The following TRPM3 variants were observed in gnomAD, a reference collection of about 807,000 sequenced individuals.
The protein encoded by TRPM3 is transient receptor potential cation channel subfamily M member 3.
Under a neutral mutation model 181.2 loss-of-function variants are expected in TRPM3, and 77 were observed. The observed-to-expected ratio is 0.42, with a 90% CI of 0.35 to 0.51. The LOEUF (loss-of-function observed/expected upper bound fraction) is 0.51, where lower values mean the gene tolerates loss of function less well. Ranked by LOEUF, TRPM3 falls within the 20% of genes least tolerant of loss-of-function variation. The probability of loss-of-function intolerance (pLI) is 0.01; values close to 1 mark genes in which losing one functional copy is unlikely to be tolerated. For missense variants in TRPM3, 1,759 were observed against 2,196.7 expected, an observed-to-expected ratio of 0.80 and a Z score of 3.98; for synonymous variants, 745 against 796.4, an observed-to-expected ratio of 0.94 and a Z score of 1.09.
chr9:71,344,771 A>G (rs1293721171), intron 1 of TRPM3, among the ~76,000 whole-genome samples: 1 of 152,178 alleles, frequency 6.6e-6, no homozygotes, highest in East Asian at 1.9e-4. Flanking sequence ...CTCATCACAT[A>G]ACACTACTAA....
intron 3 of TRPM3, among the ~76,000 whole-genome samples, chr9:70,849,030 A>T (rs1247072700): frequency 2.6e-5 from 4 of 152,098 alleles, no homozygotes; most frequent in Admixed American, 2.6e-4. Context: ...AGAATTCTAC[A>T]TTCAGCAAAA....
chr9:71,030,307 G>C lies in TRPM3; in HGVS notation c.177+90871C>G, dbSNP rs59559544. ...AGACCAGGCACTGTGGCTCACACCT[G>C]AAATCCCAGCACTTTCGTAGGCCGA... On this transcript the variant is annotated intron_variant, in intron 1 of 25. Coordinates refer to ENST00000677713, the MANE Select transcript of TRPM3 (RefSeq NM_001366145.2). Among the ~76,000 whole-genome samples the C allele has an allele frequency of 5.2e-3, 788 of 152,248 alleles. 7 individuals carry two copies. The highest frequency in any genetic ancestry group is 0.018 in the African/African-American group (741 of 41,546).
chr9:70,536,365 C>A lies in TRPM3; in HGVS notation c.4748G>T (p.Gly1583Val), dbSNP rs1459103024. The A allele has an allele frequency of 1.2e-6, 2 of 1,614,088 alleles. No individual in the cohort carries two copies. The highest frequency in any genetic ancestry group is 1.7e-6 in the Non-Finnish European group (2 of 1,180,002). Residue 1583 changes from glycine to valine, a missense_variant, in exon 26 of 26, where the codon GGT (glycine) becomes GTT (valine). This residue lies in a region of TRPM3 where 612 missense variants were observed against 590.0 expected (regional missense o/e 1.04). Transcript: ENST00000677713. ...TAAGTCCTCCACTTTGTCTCCAAGA[C>A]CTCCAGGGAAGGCAGCTCTGTCCGC... ...AIADRAAFPG[G>V]LGDKVEDLTC...
At chr9:71,207,654 G>A (rs2079207201) in intron 1 of TRPM3, among the ~76,000 whole-genome samples, 1 of 152,136 alleles carries the variant, frequency 6.6e-6, no homozygotes, top group African/African-American at 2.4e-5. Flanking sequence ...TCTCCACACA[G>A]TAATGAATAA....
At chr9:70,638,829 T>C (rs890813284) in intron 11 of TRPM3, among the ~76,000 whole-genome samples, 1 of 152,204 alleles carries the variant, frequency 6.6e-6, no homozygotes, top group African/African-American at 2.4e-5. Context: ...ATGATACACT[T>C]AGGTTATTAC....
At chr9:70,819,706 T>C (rs1295165775) in intron 6 of TRPM3, among the ~76,000 whole-genome samples, 1 of 152,208 alleles carries the variant, frequency 6.6e-6, no homozygotes, top group African/African-American at 2.4e-5. Context: ...TCCCTTAGAC[T>C]AGATTACATA....
intron 1 of TRPM3, among the ~76,000 whole-genome samples, chr9:71,057,531 T>A (rs547668669): frequency 6.6e-6 from 1 of 152,210 alleles, no homozygotes; most frequent in South Asian, 2.1e-4. Context: ...AGATCTAAAG[T>A]ACTAAAAGCA....
intron 14 of TRPM3, among the ~76,000 whole-genome samples, chr9:70,622,166 G>A (rs1258541152): frequency 6.6e-6 from 1 of 152,090 alleles, no homozygotes; most frequent in Non-Finnish European, 1.5e-5. Context: ...ACAGTGACAA[G>A]GTGTCACTAT....
chr9:70,948,117 ATTT>A (rs5898171), intron 1 of TRPM3, among the ~76,000 whole-genome samples: 1 of 143,750 alleles, frequency 7.0e-6, no homozygotes, highest in African/African-American at 2.6e-5. Flanking sequence ...TGAAAAGCCA[ATTT>A]TTTTTTTTTT....
chr9:71,000,313 TG>T (rs1413183801), intron 1 of TRPM3, among the ~76,000 whole-genome samples: 5 of 152,222 alleles, frequency 3.3e-5, no homozygotes, highest in Admixed American at 2.6e-4. Context: ...GTTGAAGTGT[TG>T]AATTCCAACT....
chr9:71,005,594 C>T (rs2097664745), intron 1 of TRPM3, among the ~76,000 whole-genome samples: 1 of 152,018 alleles, frequency 6.6e-6, no homozygotes, highest in Non-Finnish European at 1.5e-5. Context: ...TCAGCAGAAA[C>T]CCTGTAGGCT....
chr9:70,600,769 C>T (rs1047733647), intron 20 of TRPM3, among the ~76,000 whole-genome samples: 9 of 152,162 alleles, frequency 5.9e-5, no homozygotes, highest in African/African-American at 9.7e-5. Context: ...AGCAAAAATC[C>T]GTGTATGTAG....
intron 1 of TRPM3, among the ~76,000 whole-genome samples, chr9:71,132,642 A>C (rs1449128180): frequency 6.6e-6 from 1 of 152,208 alleles, no homozygotes; most frequent in Non-Finnish European, 1.5e-5. Context: ...GTCTTCCTTG[A>C]CAATAAAAGA....
rs1042880653 is a variant in TRPM3, at chr9:71,176,932, C to T, written c.183+269721G>A. ...GGATCCCCAACCCCTGGGCCATGGA[C>T]GAGTACCAGTTTGTGGCCTGTTAGA... On this transcript the variant is annotated intron_variant, in intron 1 of 24. Transcript: ENST00000357533. Among the ~76,000 whole-genome samples the T allele has an allele frequency of 5.3e-5, 8 of 151,930 alleles. No homozygotes were observed. The South Asian group carries it at 8.3e-4, about 16-fold the overall frequency.
intron 1 of TRPM3, among the ~76,000 whole-genome samples, chr9:71,140,796 G>A (rs4745057): frequency 0.21 from 32,198 of 152,012 alleles, 4,051 homozygotes; most frequent in East Asian, 0.31. Flanking sequence ...ATACCATATA[G>A]TAATATACTT....
chr9:71,124,305 A>AG (rs2073901669), upstream of TRPM3, among the ~76,000 whole-genome samples: 1 of 150,750 alleles, frequency 6.6e-6, no homozygotes, highest in Non-Finnish European at 1.5e-5. Context: ...AGGTCTAATG[A>AG]GAAAAAAAAA....
chr9:70,650,341 A>G (rs1295487421), intron 9 of TRPM3, among the ~76,000 whole-genome samples: 8 of 152,180 alleles, frequency 5.3e-5, no homozygotes, highest in African/African-American at 1.9e-4. Flanking sequence ...AAGAAAGTCT[A>G]AGGCCAGCTC....
At chr9:70,825,721 T>A (rs151337558) in intron 6 of TRPM3, 10 of 152,554 alleles carry the variant, frequency 6.6e-5, no homozygotes, top group African/African-American at 2.4e-4. Context: ...CTCCCTGGAC[T>A]TCCCCTGCAG....
chr9:71,301,349 T>C (rs2086756888), intron 1 of TRPM3, among the ~76,000 whole-genome samples: 1 of 152,158 alleles, frequency 6.6e-6, no homozygotes, highest in African/African-American at 2.4e-5. Context: ...TCTAAAATAA[T>C]TCCCAGGAGG....
Sources: gnomAD v4.1 joint callset for allele counts (sites outside exome capture counted in the v4.1 genomes callset) on GRCh38, gnomAD v4.1.1 for gene constraint, gnomAD v4.1.1 regional missense constraint, MANE v1.5 for transcripts, NCBI Gene and HGNC (gene_info 2026-07-23, HGNC 2026-07-21) for gene names.